The following SKAP2 variants were observed in gnomAD, a reference collection of about 807,000 sequenced individuals.
SKAP2 encodes the protein src kinase associated phosphoprotein 2, also known as src kinase-associated phosphoprotein 2.
A neutral mutation model predicts 54.9 loss-of-function variants in SKAP2; 28 were observed. That is an observed-to-expected ratio of 0.51 (90% CI 0.38 to 0.70). The LOEUF is 0.70. Among genes scored for constraint, SKAP2 ranks in the 30% least tolerant of loss-of-function variants. SKAP2 has a pLI of 0.00. For missense variants in SKAP2, 356 were observed against 424.1 expected (o/e 0.84, Z 1.41); for synonymous variants, 137 against 134.3 (o/e 1.02, Z -0.14).
downstream of SKAP2, among the ~76,000 whole-genome samples, chr7:26,665,448 C>A (rs1453140256): frequency 6.6e-6 from 1 of 152,108 alleles, no homozygotes; most frequent in Non-Finnish European, 1.5e-5. Context: ...ATTTTCTCTA[C>A]CAGGTTTACT....
chr7:26,681,704 T>C (rs184162821), intron 11 of SKAP2, among the ~76,000 whole-genome samples: 7 of 152,348 alleles, frequency 4.6e-5, no homozygotes, highest in Admixed American at 2.0e-4. Context: ...ATCTTTTAAA[T>C]GGTCTTATTT....
At chr7:26,730,277 C>T (rs1269537672) in intron 6 of SKAP2, among the ~76,000 whole-genome samples, 1 of 152,114 alleles carries the variant, frequency 6.6e-6, no homozygotes, top group Non-Finnish European at 1.5e-5. Flanking sequence ...TTCAAGGATA[C>T]CTGTTAACAA....
At chr7:26,822,567 A>C (rs921301128) in intron 4 of SKAP2, among the ~76,000 whole-genome samples, 9 of 152,082 alleles carry the variant, frequency 5.9e-5, no homozygotes, top group Admixed American at 5.2e-4. Context: ...CAACACTGAA[A>C]TTAAGCCAAT....
intron 4 of SKAP2, among the ~76,000 whole-genome samples, chr7:26,757,481 G>A (rs1364493908): frequency 6.6e-6 from 1 of 152,138 alleles, no homozygotes; most frequent in East Asian, 1.9e-4. Context: ...TCAGACGGTT[G>A]CAGATGTGTG....
At chr7:26,854,039 TA>T in intron 3 of SKAP2, 97 bp downstream of exon 3, 1 of 780,166 alleles carries the variant, frequency 1.3e-6, no homozygotes, top group Non-Finnish European at 2.1e-6. Flanking sequence ...ATCTAAATTT[TA>T]ATTCCAACTA....
chr7:26,801,869 A>C (rs781422860), intron 4 of SKAP2, among the ~76,000 whole-genome samples: 1 of 152,184 alleles, frequency 6.6e-6, no homozygotes, highest in Non-Finnish European at 1.5e-5. Context: ...CCTAAAAATC[A>C]AAAAATATTT....
At chr7:26,808,291 A>G (rs950585427) in intron 4 of SKAP2, among the ~76,000 whole-genome samples, 4 of 152,246 alleles carry the variant, frequency 2.6e-5, no homozygotes, top group Non-Finnish European at 5.9e-5. Context: ...CTTTAAAAAA[A>G]GAATGAAATT....
chr7:26,744,014 T>C lies in SKAP2; in HGVS notation c.308-4050A>G, dbSNP rs114647968. Among the ~76,000 whole-genome samples the C allele has an allele frequency of 5.1e-3, 772 of 152,268 alleles. 11 individuals carry two copies. Among genetic ancestry groups the C allele is most frequent in the African/African-American group, 0.018 (746 of 41,566 alleles). On this transcript the variant is annotated intron_variant, in intron 4 of 12. Transcript: ENST00000345317. Reference sequence around the variant, plus strand: ...CAAATGGTGTATATTGTAGACATAGTACAGCAAGCTTCAAGTATGGATACT... The same window carrying C: ...CAAATGGTGTATATTGTAGACATAGCACAGCAAGCTTCAAGTATGGATACT...
intron 9 of SKAP2, among the ~76,000 whole-genome samples, chr7:26,690,986 T>C (rs1375156156): frequency 6.6e-6 from 1 of 152,192 alleles, no homozygotes; most frequent in Non-Finnish European, 1.5e-5. Flanking sequence ...CCCAAAATTA[T>C]ACCAAGGACC....
At chr7:26,683,460 C>T (rs1486792744) in intron 11 of SKAP2, among the ~76,000 whole-genome samples, 2 of 151,860 alleles carry the variant, frequency 1.3e-5, no homozygotes, top group East Asian at 3.9e-4. Flanking sequence ...GCAATTATCA[C>T]AGTTGGCTTT....
intron 1 of SKAP2, among the ~76,000 whole-genome samples, chr7:26,855,939 T>C (rs1345894868): frequency 6.6e-6 from 1 of 152,130 alleles, no homozygotes; most frequent in African/African-American, 2.4e-5. Context: ...AACTACTTTG[T>C]ATAGCATCAA....
At chr7:26,702,181 G>T (rs558077196) in intron 9 of SKAP2, among the ~76,000 whole-genome samples, 12 of 151,980 alleles carry the variant, frequency 7.9e-5, no homozygotes, top group African/African-American at 2.9e-4. Context: ...TTGAGGCAGG[G>T]TCTCACACTG....
At chr7:26,845,872 C>T (rs1784910348) in intron 3 of SKAP2, among the ~76,000 whole-genome samples, 1 of 152,124 alleles carries the variant, frequency 6.6e-6, no homozygotes, top group South Asian at 2.1e-4. Flanking sequence ...TTTGAGGCTG[C>T]AGTGAGCTAT....
chr7:26,656,092 C>T, the SKAP2 span, among the ~76,000 whole-genome samples: 2 of 152,198 alleles, frequency 1.3e-5, no homozygotes, highest in African/African-American at 2.4e-5. Flanking sequence ...TGTGACAGCA[C>T]AAACCCAACA....
At chr7:26,832,668 A>C (rs1012280569) in intron 4 of SKAP2, among the ~76,000 whole-genome samples, 2 of 152,190 alleles carry the variant, frequency 1.3e-5, no homozygotes, top group Admixed American at 6.5e-5. Context: ...AAAAAGAAGA[A>C]AGCTTTAATA....
intron 4 of SKAP2, among the ~76,000 whole-genome samples, chr7:26,817,844 C>G (rs143589373): frequency 0.031 from 4,656 of 152,066 alleles, 111 homozygotes; most frequent in Non-Finnish European, 0.053. Flanking sequence ...ACAATTGCAA[C>G]AAGAAGAATA....
chr7:26,776,184 T>G (rs12155150), intron 4 of SKAP2, among the ~76,000 whole-genome samples: 12,889 of 152,188 alleles, frequency 0.085, 606 homozygotes, highest in Middle Eastern at 0.16. Flanking sequence ...AGTCTACTTT[T>G]GTAGACTCTT....
At chr7:26,833,372 G>A (rs1482847967) in intron 4 of SKAP2, among the ~76,000 whole-genome samples, 1 of 138,814 alleles carries the variant, frequency 7.2e-6, no homozygotes, top group Non-Finnish European at 1.5e-5. Flanking sequence ...CCCCAGCCTG[G>A]GTGACAAAGA....
chr7:26,693,332 CAAAA>C (rs34775523), intron 9 of SKAP2, among the ~76,000 whole-genome samples: 54 of 79,880 alleles, frequency 6.8e-4, no homozygotes, highest in Admixed American at 4.7e-3. Context: ...AGCTCCATCT[CAAAA>C]AAAAAAAAAA....
Sources: allele counts gnomAD v4.1 joint callset (sites outside exome capture counted in the v4.1 genomes callset), GRCh38; gene constraint gnomAD v4.1.1; transcripts MANE v1.5; gene names NCBI Gene and HGNC (gene_info 2026-07-23, HGNC 2026-07-21).